The following C11orf65 variants were observed in gnomAD, a reference collection of about 807,000 sequenced individuals.
The protein encoded by C11orf65 is chromosome 11 open reading frame 65, also known as protein MFI.
Under a neutral mutation model 35.3 loss-of-function variants are expected in C11orf65, and 38 were observed. The observed-to-expected ratio is 1.08, with a 90% CI of 0.83 to 1.41. The LOEUF (loss-of-function observed/expected upper bound fraction) is 1.41, where lower values mean the gene tolerates loss of function less well. Ranked by LOEUF, C11orf65 falls within the 40% of genes most tolerant of loss-of-function variation. The pLI is 0.00. For synonymous variants in C11orf65, 105 were observed against 114.4 expected (o/e 0.92, Z 0.53); for missense variants, 370 against 367.1 (o/e 1.01, Z -0.06).
chr11:108,357,671 C>T (rs1455111921), intron 2 of C11orf65, among the ~76,000 whole-genome samples: 1 of 152,160 alleles, frequency 6.6e-6, no homozygotes, highest in Non-Finnish European at 1.5e-5. Context: ...GGAGGCACCC[C>T]CCAGCAGGGG....
chr11:108,381,607 C>G (rs2091866033), downstream of C11orf65, among the ~76,000 whole-genome samples: 1 of 152,128 alleles, frequency 6.6e-6, no homozygotes, highest in African/African-American at 2.4e-5. Context: ...TCTCTAATTT[C>G]TAATTTCTCT....
chr11:108,319,631 G>A (rs181855628), intron 6 of C11orf65, among the ~76,000 whole-genome samples: 137 of 152,244 alleles, frequency 9.0e-4, no homozygotes, highest in South Asian at 3.9e-3. Flanking sequence ...AATTCCATGA[G>A]AGTAAAGACC....
chr11:108,329,218 A>G (rs1414815406), downstream of C11orf65: 5 of 1,613,624 alleles, frequency 3.1e-6, no homozygotes, highest in Non-Finnish European at 4.2e-6. Context: ...TCCTTAGGGA[A>G]CATAAAATTC....
intron 2 of C11orf65, among the ~76,000 whole-genome samples, chr11:108,338,253 AG>A (rs1417458895): frequency 6.6e-6 from 1 of 152,194 alleles, no homozygotes; most frequent in Non-Finnish European, 1.5e-5. Context: ...TGGGAGGCTG[AG>A]GTGAGAGAAT....
At chr11:108,375,151 T>C (rs1213544122) in intron 2 of C11orf65, among the ~76,000 whole-genome samples, 1 of 151,610 alleles carries the variant, frequency 6.6e-6, no homozygotes. Context: ...ACAAAGATAC[T>C]CCTCGAGAAG....
intron 2 of C11orf65, among the ~76,000 whole-genome samples, chr11:108,356,475 G>T (rs542487427): frequency 6.7e-6 from 1 of 148,184 alleles, no homozygotes; most frequent in African/African-American, 2.5e-5. Flanking sequence ...GGTGGAGGTT[G>T]TAGTGAGCTG....
chr11:108,374,527 A>C (rs2091666288), intron 2 of C11orf65, among the ~76,000 whole-genome samples: 1 of 152,178 alleles, frequency 6.6e-6, no homozygotes, highest in African/African-American at 2.4e-5. Flanking sequence ...TAAAACCACA[A>C]AGATGGGGAA....
intron 2 of C11orf65, among the ~76,000 whole-genome samples, chr11:108,372,324 G>A (rs2091595302): frequency 6.6e-6 from 1 of 152,132 alleles, no homozygotes; most frequent in South Asian, 2.1e-4. Context: ...CTCCCAAGTA[G>A]CTGGGACTAC....
chr11:108,465,075 G>A (rs1241270477), intron 1 of C11orf65, among the ~76,000 whole-genome samples: 9 of 152,144 alleles, frequency 5.9e-5, no homozygotes, highest in Non-Finnish European at 4.4e-5. Context: ...TCAATGTAGT[G>A]TGTGTGTTAT....
intron 2 of C11orf65, among the ~76,000 whole-genome samples, chr11:108,351,543 G>A (rs555730496): frequency 2.6e-5 from 4 of 152,190 alleles, no homozygotes; most frequent in Non-Finnish European, 5.9e-5. Context: ...ATCTGGGGCT[G>A]GAGTTATCTT....
chr11:108,393,131 C>A (rs2092207471), intron 7 of C11orf65, 77 bp downstream of exon 7: 1 of 1,425,708 alleles, frequency 7.0e-7, no homozygotes, highest in Non-Finnish European at 9.4e-7. Context: ...CCCCAAGATT[C>A]AACAAGGAAA....
At chr11:108,400,476 A>G (rs1217374462) in intron 6 of C11orf65, among the ~76,000 whole-genome samples, 1 of 152,204 alleles carries the variant, frequency 6.6e-6, no homozygotes, top group East Asian at 1.9e-4. Flanking sequence ...TGGGGACAAG[A>G]GCAGGAAAGG....
At chr11:108,450,187 AC>A (rs775074702) in intron 2 of C11orf65, among the ~76,000 whole-genome samples, 48 of 151,988 alleles carry the variant, frequency 3.2e-4, no homozygotes, top group Admixed American at 1.1e-3. Flanking sequence ...TGTTGGTGGG[AC>A]TGTAAACTAG....
At chr11:108,400,824 G>A (rs1293895974) in intron 6 of C11orf65, among the ~76,000 whole-genome samples, 4 of 152,062 alleles carry the variant, frequency 2.6e-5, no homozygotes, top group African/African-American at 7.2e-5. Context: ...TGCTGCTCCT[G>A]GGCCAGACGT....
At chr11:108,380,325 TAG>T (rs2091843551), downstream of C11orf65, among the ~76,000 whole-genome samples, 3 of 152,210 alleles carry the variant, frequency 2.0e-5, no homozygotes, top group Non-Finnish European at 4.4e-5. Context: ...TAGCCTTAAG[TAG>T]AGATACACAT....
At position 108,393,283 on chromosome 11, in the gene C11orf65, T is replaced by A. The variant is rs775972743; in HGVS notation, c.656A>T (p.Asp219Val). 2 of 1,614,096 alleles carry A rather than the reference T, an allele frequency of 1.2e-6. No individual in the cohort carries two copies. Among genetic ancestry groups the A allele is most frequent in the Non-Finnish European group, 1.7e-6 (2 of 1,179,996 alleles). Residue 219 changes from aspartate (D) to valine (V), a missense_variant, in exon 7 of 9, where the codon GAT becomes GTT. Transcript: ENST00000393084. ...TTCCATCACAGAATCTATCCCCCCA[T>A]CTTCAAAAGCTCTAATCAGCCCCTT... Reference protein sequence around the residue: ...ATKGLIRAFEDGGIDSVMEWE... With the variant: ...ATKGLIRAFEVGGIDSVMEWE...
downstream of C11orf65, among the ~76,000 whole-genome samples, chr11:108,380,623 G>A (rs551625537): frequency 6.6e-6 from 1 of 152,340 alleles, no homozygotes; most frequent in Admixed American, 6.5e-5. Flanking sequence ...TGATGGCATG[G>A]ATGGAAGCCA....
intron 6 of C11orf65, chr11:108,312,573 C>A: frequency 9.5e-7 from 1 of 1,050,174 alleles, no homozygotes; most frequent in Non-Finnish European, 1.5e-6. Flanking sequence ...AGACACTGTA[C>A]AGATGCCATG....
intron 6 of C11orf65, among the ~76,000 whole-genome samples, chr11:108,396,614 G>A (rs1028794847): frequency 1.3e-5 from 2 of 151,420 alleles, no homozygotes; most frequent in African/African-American, 4.8e-5. Context: ...GGCGGATCAC[G>A]AGGTCAGGAG....
Sources: allele counts gnomAD v4.1 joint callset (sites outside exome capture counted in the v4.1 genomes callset), GRCh38; gene constraint gnomAD v4.1.1; transcripts MANE v1.5; gene names NCBI Gene and HGNC (gene_info 2026-07-23, HGNC 2026-07-21).